Variants in RCC1L observed in about 807,000 individuals in gnomAD.
RCC1L encodes RCC1-like G exchanging factor-like protein.
RCC1L carries 46 observed loss-of-function variants against 58.6 expected under a neutral mutation model. The ratio of observed to expected loss-of-function variants is 0.79; its 90% confidence interval spans 0.62 to 1.00. RCC1L has a LOEUF of 1.00. RCC1L is among the 50% of genes least tolerant of loss of function. The pLI, the probability that RCC1L is intolerant of heterozygous loss-of-function variation, is 0.00. For synonymous variants in RCC1L, 281 were observed against 262.9 expected, an observed-to-expected ratio of 1.07 and a Z score of -0.67; for missense variants, 636 against 623.6, an observed-to-expected ratio of 1.02 and a Z score of -0.21.
chr7:75,057,773 G>A (rs927088478), intron 7 of RCC1L, 157 bp from the exon 8 acceptor site: 1 of 743,090 alleles, frequency 1.3e-6, no homozygotes, highest in Non-Finnish European at 2.4e-6. Flanking sequence ...CTAGGTGCTG[G>A]GGTAGAATGG....
chr7:75,057,610 C>CATT lies in RCC1L; in HGVS notation c.973_975dup (p.Asn325dup). 2 of 1,613,916 alleles carry CATT rather than the reference C, an allele frequency of 1.2e-6. No individual in the cohort carries two copies. Among genetic ancestry groups the CATT allele is most frequent in the Non-Finnish European group, 1.7e-6 (2 of 1,179,846 alleles). Reference sequence around the variant, plus strand: ...CCTGAGAAGTGTAAGCAGCGGGGCACATTCACCTGAACCAAAGAAAGGAGC... The same window carrying CATT: ...CCTGAGAAGTGTAAGCAGCGGGGCACATTATTCACCTGAACCAAAGAAAGGAGC... On this transcript the variant is annotated inframe_insertion, in exon 8 of 11. Coordinates refer to ENST00000610322, the MANE Select transcript of RCC1L (RefSeq NM_030798.5).
chr7:75,043,163 C>T, intron 10 of RCC1L, 54 bp from the exon 11 acceptor site: 1 of 1,607,154 alleles, frequency 6.2e-7, no homozygotes, highest in East Asian at 2.2e-5. Flanking sequence ...CCGGAGGAGA[C>T]AGGCGCTGGT....
chr7:75,066,142 G>C (rs1806471514), intron 3 of RCC1L, among the ~76,000 whole-genome samples: 1 of 152,020 alleles, frequency 6.6e-6, no homozygotes, highest in South Asian at 2.1e-4. Context: ...AAGAACCAGA[G>C]AGCAGAGCAC....
chr7:75,032,065 T>C (rs1805319761), intron 10 of RCC1L, among the ~76,000 whole-genome samples: 1 of 152,208 alleles, frequency 6.6e-6, no homozygotes, highest in Non-Finnish European at 1.5e-5. Context: ...GCCTCTACCA[T>C]GCTCTGGTGT....
intron 2 of RCC1L, among the ~76,000 whole-genome samples, chr7:75,067,544 G>A (rs1210005239): frequency 2.6e-5 from 4 of 151,960 alleles, no homozygotes; most frequent in Non-Finnish European, 4.4e-5. Context: ...CAGGAGAACT[G>A]CTTGAACCCA....
chr7:75,046,547 C>T lies in RCC1L; in HGVS notation c.1318-3438G>A, dbSNP rs1002171142. ...CCTGGGAGCCAGCCCTAGGGACCAG[C>T]GGGAGGCTCCCCAAGGTTCCAGCTC... On this transcript the variant is annotated intron_variant, in intron 10 of 10. Transcript: ENST00000610322. Among the ~76,000 whole-genome samples the T allele has an allele frequency of 3.9e-5, 6 of 152,178 alleles. No homozygotes were observed. In the East Asian group the frequency reaches 9.6e-4, roughly 24 times the overall value.
intron 10 of RCC1L, among the ~76,000 whole-genome samples, chr7:75,030,144 T>G (rs1246458162): frequency 6.6e-6 from 1 of 152,106 alleles, no homozygotes; most frequent in African/African-American, 2.4e-5. Context: ...AGAGGAGCTA[T>G]GGAAATTGGA....
At chr7:75,051,261 TATATATACACAC>T (rs1365524924) in intron 10 of RCC1L, among the ~76,000 whole-genome samples, 112 of 144,532 alleles carry the variant, frequency 7.7e-4, no homozygotes, top group Non-Finnish European at 1.5e-3. Flanking sequence ...TGTGTGTGTG[TATATATACACAC>T]ATATATACAC....
At chr7:75,030,484 A>G (rs1210006972) in intron 10 of RCC1L, among the ~76,000 whole-genome samples, 2 of 152,126 alleles carry the variant, frequency 1.3e-5, no homozygotes, top group African/African-American at 2.4e-5. Flanking sequence ...GAGGGGGGCA[A>G]AGGTGTCAGG....
chr7:75,053,603 A>G, intron 9 of RCC1L, among the ~76,000 whole-genome samples: 1 of 152,162 alleles, frequency 6.6e-6, no homozygotes. Context: ...AACTGTAAAA[A>G]CTGTCATGAA....
intron 10 of RCC1L, 46 bp from the exon 11 acceptor site, chr7:75,043,155 G>A (rs985044520): frequency 5.7e-5 from 91 of 1,604,130 alleles, no homozygotes; most frequent in Middle Eastern, 1.7e-4. Context: ...TGGCGCACCC[G>A]GAGGAGACAG....
chr7:75,035,030 A>C lies in RCC1L; in HGVS notation c.1318-6951T>G, dbSNP rs1805407196. ...AGAGGGTTCCCTAATTTATTTATTTACATTTATGTATTTATTTAGAGATGG... is the reference window on the plus strand; with the variant it reads ...AGAGGGTTCCCTAATTTATTTATTTCCATTTATGTATTTATTTAGAGATGG... On this transcript the variant is annotated intron_variant, in intron 10 of 10. Transcript: ENST00000614461. Among the ~76,000 whole-genome samples the C allele has an allele frequency of 3.3e-5, 5 of 151,896 alleles. No homozygotes were observed. The South Asian group carries it at 1.0e-3, about 32-fold the overall frequency.
chr7:75,068,384 T>C (rs1353501173), intron 2 of RCC1L, among the ~76,000 whole-genome samples: 1 of 148,148 alleles, frequency 6.8e-6, no homozygotes, highest in East Asian at 2.1e-4. Context: ...TACTGACTTA[T>C]AAAAGACATC....
chr7:75,041,058 A>C (rs1386639890), downstream of RCC1L, among the ~76,000 whole-genome samples: 3 of 152,056 alleles, frequency 2.0e-5, no homozygotes, highest in Non-Finnish European at 4.4e-5. Context: ...TCTCTACTAA[A>C]AATACAAAAA....
downstream of RCC1L, chr7:75,042,015 G>A (rs1805582071): frequency 3.2e-6 from 1 of 308,746 alleles, no homozygotes; most frequent in Non-Finnish European, 4.7e-6. Flanking sequence ...GCCAGGGGTT[G>A]GAGCCTAAGC....
intron 10 of RCC1L, among the ~76,000 whole-genome samples, chr7:75,031,019 A>G (rs1026456704): frequency 6.6e-6 from 1 of 152,240 alleles, no homozygotes; most frequent in East Asian, 1.9e-4. Context: ...GGCCAAGGCC[A>G]GTGCGGTTTC....
Position 75,051,729 on chromosome 7 carries a change from G to A in RCC1L, c.1317+982C>T, listed in dbSNP as rs895457018. The stretch of plus-strand genomic sequence containing the variant: ...CCTGGTGCAAGTCCTTTTTAAAAAC[G>A]CTTTTCACAATTTCAAAACAAATTA... On this transcript the variant is annotated intron_variant, in intron 10 of 10. Coordinates refer to ENST00000610322, the MANE Select transcript of RCC1L (RefSeq NM_030798.5). Among the ~76,000 whole-genome samples, 3 of 152,048 alleles carry A rather than the reference G, an allele frequency of 2.0e-5. No homozygotes were observed. In the South Asian group the frequency reaches 6.2e-4, roughly 31 times the overall value.
chr7:75,036,092 G>C (rs1470467041), intron 10 of RCC1L, among the ~76,000 whole-genome samples: 1 of 150,870 alleles, frequency 6.6e-6, no homozygotes, highest in Non-Finnish European at 1.5e-5. Flanking sequence ...GGTAGAATCT[G>C]CTCCAAGGAA....
At chr7:75,031,854 A>G (rs1430860944) in intron 10 of RCC1L, among the ~76,000 whole-genome samples, 3 of 152,132 alleles carry the variant, frequency 2.0e-5, no homozygotes, top group African/African-American at 4.8e-5. Flanking sequence ...GAAATCAGCT[A>G]AGGACTGAAG....
Sources: allele counts gnomAD v4.1 joint callset (sites outside exome capture counted in the v4.1 genomes callset), GRCh38; gene constraint gnomAD v4.1.1; transcripts MANE v1.5; gene names NCBI Gene and HGNC (gene_info 2026-07-23, HGNC 2026-07-21).